STXBP5: variants seen among roughly 807,000 people sequenced by gnomAD.
STXBP5 encodes the protein syntaxin-binding protein 5.
Under a neutral mutation model 152.4 loss-of-function variants are expected in STXBP5, and 50 were observed. The observed-to-expected ratio is 0.33, with a 90% CI of 0.26 to 0.42. STXBP5 has a LOEUF of 0.42. Among genes scored for constraint, STXBP5 ranks in the 10% least tolerant of loss-of-function variants. STXBP5 has a pLI of 1.00. For missense variants in STXBP5, 1,167 were observed against 1,388.6 expected (o/e 0.84, Z 2.54); for synonymous variants, 492 against 494.7 (o/e 0.99, Z 0.07).
intron 25 of STXBP5, among the ~76,000 whole-genome samples, chr6:147,367,727 A>G (rs1785358257): frequency 1.3e-5 from 2 of 152,132 alleles, no homozygotes; most frequent in Non-Finnish European, 1.5e-5. Flanking sequence ...TGGAAAACAA[A>G]GAAACAATAG....
At chr6:147,260,782 C>T (rs772260121) in intron 5 of STXBP5, 33 bp downstream of exon 5, 1 of 1,608,304 alleles carries the variant, frequency 6.2e-7, no homozygotes, top group Non-Finnish European at 8.5e-7. Flanking sequence ...TATCTGAAAG[C>T]ATCAGTTCTA....
chr6:147,383,746 G>A (rs571789291), intron 27 of STXBP5, among the ~76,000 whole-genome samples: 1 of 152,044 alleles, frequency 6.6e-6, no homozygotes, highest in South Asian at 2.1e-4. Context: ...TTTTATATTT[G>A]AGCACCCAAT....
At chr6:147,295,593 G>A (rs1781479006) in intron 9 of STXBP5, among the ~76,000 whole-genome samples, 1 of 152,182 alleles carries the variant, frequency 6.6e-6, no homozygotes, top group African/African-American at 2.4e-5. Flanking sequence ...CATAGAGGGG[G>A]AGCAAAACAC....
intron 2 of STXBP5, among the ~76,000 whole-genome samples, chr6:147,219,762 G>A (rs1777361048): frequency 1.4e-5 from 2 of 138,742 alleles, no homozygotes; most frequent in South Asian, 4.5e-4. Context: ...AGTAATTTGT[G>A]TCCCCTCTCC....
At chr6:147,276,961 A>G (rs1187636991) in intron 7 of STXBP5, among the ~76,000 whole-genome samples, 1 of 152,130 alleles carries the variant, frequency 6.6e-6, no homozygotes, top group Non-Finnish European at 1.5e-5. Flanking sequence ...ATATTGAACC[A>G]TCGTAAGTAA....
rs1781953149 is a variant in STXBP5 at position 147,303,869 on chromosome 6, G to C, written c.918-6215G>C. ...CTGTGCTTTAGCAAAGAGACTGGTG[G>C]CTTTTTGCCCCTGTCCTAGAGATCT... On this transcript the variant is annotated intron_variant, in intron 9 of 27. Coordinates refer to ENST00000321680, the MANE Select transcript of STXBP5 (RefSeq NM_001127715.4). Among the ~76,000 whole-genome samples the C allele has an allele frequency of 2.6e-5, 4 of 152,178 alleles. No individual in the cohort carries two copies. In the South Asian group the frequency reaches 8.3e-4, roughly 32 times the overall value.
At position 147,379,801 on chromosome 6, in the gene STXBP5, AT is replaced by A. The variant is rs145569071; in HGVS notation, c.3194-2976del. Reference sequence around the variant, plus strand: ...TAAACAGTTTTAGCAAGGTTTCAGGATACAAGATCAATATAGAAAATGAATT... The same window carrying A: ...TAAACAGTTTTAGCAAGGTTTCAGGAACAAGATCAATATAGAAAATGAATT... On this transcript the variant is annotated intron_variant, in intron 26 of 27. Coordinates refer to ENST00000321680, the MANE Select transcript of STXBP5 (RefSeq NM_001127715.4). Among the ~76,000 whole-genome samples the A allele has an allele frequency of 7.2e-3, 1,099 of 152,270 alleles. 14 individuals carry two copies. The highest frequency in any genetic ancestry group is 0.025 in the African/African-American group (1,054 of 41,562).
intron 2 of STXBP5, among the ~76,000 whole-genome samples, chr6:147,209,611 A>G (rs1776748482): frequency 6.6e-6 from 1 of 152,204 alleles, no homozygotes; most frequent in Non-Finnish European, 1.5e-5. Context: ...TACAAAAGAA[A>G]TGAAAATGTG....
intron 4 of STXBP5, among the ~76,000 whole-genome samples, chr6:147,246,587 A>G (rs180974663): frequency 3.3e-5 from 5 of 152,264 alleles, no homozygotes; most frequent in Admixed American, 3.3e-4. Context: ...AAGTTAATAT[A>G]TTTCTAAAGA....
intron 2 of STXBP5, among the ~76,000 whole-genome samples, chr6:147,222,830 G>T (rs1205438349): frequency 3.9e-5 from 6 of 152,212 alleles, no homozygotes; most frequent in Admixed American, 1.3e-4. Flanking sequence ...ACATCTCTAT[G>T]ACTGGGTTCC....
chr6:147,344,338 G>A (rs907753854), intron 21 of STXBP5, among the ~76,000 whole-genome samples: 1 of 152,114 alleles, frequency 6.6e-6, no homozygotes, highest in African/African-American at 2.4e-5. Context: ...AAGAAAATTA[G>A]TCTGAGTTAG....
intron 2 of STXBP5, among the ~76,000 whole-genome samples, chr6:147,229,433 C>T (rs899152970): frequency 6.6e-6 from 1 of 151,580 alleles, no homozygotes; most frequent in Non-Finnish European, 1.5e-5. Context: ...AGCTGGGATT[C>T]TGATAGAGAT....
chr6:147,245,174 G>T (rs1001518253), intron 4 of STXBP5, among the ~76,000 whole-genome samples: 2 of 151,432 alleles, frequency 1.3e-5, no homozygotes, highest in African/African-American at 4.9e-5. Context: ...TGAATTGAAG[G>T]CACTGTCTCC....
chr6:147,333,264 G>T (rs931813449), intron 18 of STXBP5, among the ~76,000 whole-genome samples: 1 of 152,146 alleles, frequency 6.6e-6, no homozygotes, highest in African/African-American at 2.4e-5. Context: ...GCTCACACCT[G>T]TAATCCCAGC....
chr6:147,363,955 C>CT, intron 24 of STXBP5, 46 bp from the exon 25 acceptor site: 1 of 1,586,392 alleles, frequency 6.3e-7, no homozygotes, highest in Non-Finnish European at 8.6e-7. Flanking sequence ...GTGTTCAAGA[C>CT]TAAAACCTAC....
chr6:147,235,250 C>T lies in STXBP5; in HGVS notation c.249C>T (p.Leu83=), dbSNP rs147083418. The T allele has an allele frequency of 6.4e-5, 104 of 1,613,062 alleles. No individual in the cohort carries two copies. In the African/African-American group the frequency reaches 1.3e-3, roughly 20 times the overall value. ...AACTCCTTAATGGAATTAATTACAGCTTTGGTCGTCCAGGAGTAGAATGTT... is the reference window on the plus strand; with the variant it reads ...AACTCCTTAATGGAATTAATTACAGTTTTGGTCGTCCAGGAGTAGAATGTT... ...AVGTQTGALR[L]FGRPGVECYC... The change falls in exon 3 of 28, where the codon CTC becomes CTT. Residue 83 remains leucine, a splice_region_variant and synonymous_variant. Coordinates refer to ENST00000321680, the MANE Select transcript of STXBP5 (RefSeq NM_001127715.4).
Position 147,204,555 on chromosome 6 carries a change from A to G in STXBP5, c.23A>G (p.Lys8Arg), listed in dbSNP as rs764029293. The change falls in exon 1 of 28, where the codon AAG becomes AGG. Residue 8 changes from lysine (K) to arginine (R), a missense_variant. By Grantham distance (26) the Lys-to-Arg change is conservative. This residue lies in a region of STXBP5 where 310 missense variants were observed against 346.1 expected (regional missense o/e 0.90). Transcript: ENST00000321680. This position sits in a 1 kb window ranked among gnomAD's most constrained non-coding sequence, Gnocchi z 4.3. ...ACCATGAGGAAATTCAACATCAGGA[A>G]GGTGCTGGACGGCCTGACCGCCGGC... The part of the protein sequence containing the change: MRKFNIR[K>R]VLDGLTAGSS... 5.1e-5 allele frequency: 82 copies of G among 1,611,698 alleles called. 1 individual carries two copies. The highest frequency in any genetic ancestry group is 5.0e-5 in the Admixed American group (3 of 59,874).
At chr6:147,240,855 T>C (rs1470205375) in intron 4 of STXBP5, among the ~76,000 whole-genome samples, 1 of 152,138 alleles carries the variant, frequency 6.6e-6, no homozygotes, top group East Asian at 1.9e-4. Context: ...GCATAGAGAC[T>C]AGAGAGTTGG....
intron 18 of STXBP5, among the ~76,000 whole-genome samples, chr6:147,330,266 GAT>G (rs1014732314): frequency 3.5e-4 from 54 of 152,160 alleles, no homozygotes; most frequent in African/African-American, 1.3e-3. Flanking sequence ...TCAGTAGAAT[GAT>G]AAAACTACTA....
Sources: allele counts gnomAD v4.1 joint callset (sites outside exome capture counted in the v4.1 genomes callset), GRCh38; gene constraint gnomAD v4.1.1; regional missense constraint gnomAD v4.1.1; non-coding constraint Gnocchi (gnomAD v3.1); transcripts MANE v1.5; gene names NCBI Gene and HGNC (gene_info 2026-07-23, HGNC 2026-07-21).